TBR1: variants seen among roughly 807,000 people sequenced by gnomAD.
TBR1 encodes T-box brain protein 1.
A neutral mutation model predicts 60.3 loss-of-function variants in TBR1; 7 were observed. The observed-to-expected ratio is 0.12, with a 90% CI of 0.07 to 0.22. The LOEUF is 0.22. Ranked by LOEUF, TBR1 falls within the 10% of genes least tolerant of loss-of-function variation. The pLI, the probability that TBR1 is intolerant of heterozygous loss-of-function variation, is 1.00. For missense variants in TBR1, 616 were observed against 936.8 expected (o/e 0.66, Z 4.47); for synonymous variants, 417 against 409.9 (o/e 1.02, Z -0.21).
rs1297126639 is a variant in TBR1, at chr2:161,419,186, AG to A, written c.1128+138del. Reference sequence around the variant, plus strand: ...ACAGCTGGCTCCGCTGTGCGTTTTAAGGCTTAGGGCTCGGGGCCTGCCCACG... The same window carrying A: ...ACAGCTGGCTCCGCTGTGCGTTTTAAGCTTAGGGCTCGGGGCCTGCCCACG... On this transcript the variant is annotated intron_variant, in intron 4 of 5. Transcript: ENST00000389554. 6.7e-6 allele frequency: 9 copies of A among 1,339,378 alleles called. No homozygotes were observed. The African/African-American group carries it at 9.0e-5, about 13-fold the overall frequency. The allele number at this position is 1,339,378 out of a possible 1,614,324, so 83.0% of individuals were successfully genotyped here.
At position 161,423,569 on chromosome 2, in the gene TBR1, C is replaced by A. The variant is rs771828494; in HGVS notation, c.1391C>A (p.Thr464Asn). The A allele has an allele frequency of 1.3e-6, 2 of 1,551,774 alleles. No homozygotes were observed. Among genetic ancestry groups the A allele is most frequent in the East Asian group, 5.1e-5 (2 of 39,354 alleles). ...GPGTDRSVPH[T>N]NGLLSPQQAE... ...GGTACGGACCGCAGCGTGCCGCACA[C>A]CAACGGGCTGCTGTCGCCGCAGCAG... Residue 464 changes from threonine to asparagine, a missense_variant, in exon 6 of 6, where the codon ACC becomes AAC. By Grantham distance (65) the Thr-to-Asn change is moderately conservative (BLOSUM62 0). Transcript: ENST00000389554.
At position 161,424,044 on chromosome 2, in the gene TBR1, G is replaced by A. The variant is rs1017957398; in HGVS notation, c.1866G>A (p.Lys622=). 6.2e-7 allele frequency: 1 copy of A among 1,606,116 alleles called. No individual in the cohort carries two copies. Reference sequence around the variant, plus strand: ...GGATCGAGACGCCCTCCTCGATCAAGTCCATCGACTCCAGCGACTCGGGGA... The same window carrying A: ...GGATCGAGACGCCCTCCTCGATCAAATCCATCGACTCCAGCGACTCGGGGA... ...SSWIETPSSI[K]SIDSSDSGIY... Residue 622 remains lysine, a synonymous_variant, in exon 6 of 6, where the codon AAG becomes AAA. Coordinates refer to ENST00000389554, the MANE Select transcript of TBR1 (RefSeq NM_006593.4). This position sits in a 1 kb window ranked among gnomAD's most constrained non-coding sequence, Gnocchi z 4.4.
In TBR1 at chr2:161,417,024, A is replaced by T; in HGVS notation, c.614A>T (p.Gln205Leu). Reference sequence around the variant, plus strand: ...CCGGGGCTGGTGCCCGGCAAAGCACAGGTGTACCTGTGCAACAGGCCCCTT... The same window carrying T: ...CCGGGGCTGGTGCCCGGCAAAGCACTGGTGTACCTGTGCAACAGGCCCCTT... ...TQPGLVPGKA[Q>L]VYLCNRPLWL... The change falls in exon 1 of 6, where the codon CAG (glutamine) becomes CTG (leucine). Residue 205 changes from glutamine to leucine, a missense_variant. Physicochemically the swap from Gln to Leu is moderately radical, Grantham distance 113. Coordinates refer to ENST00000389554, the MANE Select transcript of TBR1 (RefSeq NM_006593.4). The surrounding 1 kb of genome is among the most constrained non-coding windows in gnomAD (Gnocchi z 5.3). 6.2e-7 allele frequency: 1 copy of T among 1,613,996 alleles called. No homozygotes were observed. Among genetic ancestry groups the T allele is most frequent in the Non-Finnish European group, 8.5e-7 (1 of 1,179,988 alleles).
chr2:161,418,358 T>C, intron 3 of TBR1, 36 bp downstream of exon 3: 3 of 1,599,452 alleles, frequency 1.9e-6, no homozygotes, highest in Non-Finnish European at 2.6e-6. Flanking sequence ...TCTCTCTCTC[T>C]CACCCCTTCC....
At chr2:161,423,231 C>A (rs1213592758) in intron 5 of TBR1, 138 bp from the exon 6 acceptor site, 1 of 575,122 alleles carries the variant, frequency 1.7e-6, no homozygotes, top group African/African-American at 1.9e-5. Flanking sequence ...TCCAGGAAAT[C>A]CTGGACTGCA....
Position 161,417,413 on chromosome 2 carries a change from G to C in TBR1, c.693-263G>C. 1 of 568,074 alleles carries C rather than the reference G, an allele frequency of 1.8e-6. No individual in the cohort carries two copies. Among genetic ancestry groups the C allele is most frequent in the East Asian group, 3.0e-5 (1 of 32,864 alleles). The allele number at this position is 568,074 out of a possible 1,614,324, so 35.2% of individuals were successfully genotyped here. A position where few individuals can be genotyped will look rare whatever the true frequency, so the allele number is the denominator to read the frequency against. The stretch of plus-strand genomic sequence containing the variant: ...CAACACTGGCATGCACGGACAGGTG[G>C]AGACGCAGGTCGCCAACCTCGCTCT... On this transcript the variant is annotated intron_variant, in intron 1 of 5. Coordinates refer to ENST00000389554, the MANE Select transcript of TBR1 (RefSeq NM_006593.4). This position sits in a 1 kb window ranked among gnomAD's most constrained non-coding sequence, Gnocchi z 5.3.
chr2:161,419,275 C>T, intron 4 of TBR1: 3 of 565,212 alleles, frequency 5.3e-6, no homozygotes, highest in Non-Finnish European at 8.9e-6. Context: ...TCGCTGGTCA[C>T]CCGGGCCACC....
rs1167980236 is a variant in TBR1, at chr2:161,424,599, G to A, written c.*372G>A. On this transcript the variant is annotated 3_prime_UTR_variant, in exon 6 of 6. Coordinates refer to ENST00000389554, the MANE Select transcript of TBR1 (RefSeq NM_006593.4). This position sits in a 1 kb window ranked among gnomAD's most constrained non-coding sequence, Gnocchi z 4.4. ...ACCTGGGCAGTCCTGTCAGGCAGCA[G>A]CGATTCCGACCCGCCAAGTCTCGGC... The A allele has an allele frequency of 5.6e-6, 1 of 178,582 alleles. No homozygotes were observed. The highest frequency in any genetic ancestry group is 2.4e-5 in the African/African-American group (1 of 42,390). The allele number at this position is 178,582 out of a possible 1,614,324, so 11.1% of individuals were successfully genotyped here. A position where few individuals can be genotyped will look rare whatever the true frequency, so the allele number is the denominator to read the frequency against.
intron 4 of TBR1, 199 bp downstream of exon 4, chr2:161,419,249 T>C: frequency 1.4e-6 from 1 of 707,626 alleles, no homozygotes; most frequent in South Asian, 2.2e-5. Context: ...GGGAAAAAGC[T>C]TTCTATTTGT....
intron 5 of TBR1, chr2:161,422,601 A>C (rs1485854691): frequency 1.3e-5 from 2 of 152,256 alleles, no homozygotes; most frequent in Non-Finnish European, 2.9e-5. Context: ...TAGGAAAAGA[A>C]GGTCAGAGTA....
chr2:161,423,325 C>T (rs765471694), intron 5 of TBR1, 44 bp from the exon 6 acceptor site: 1 of 1,304,480 alleles, frequency 7.7e-7, no homozygotes, highest in South Asian at 2.3e-5. Flanking sequence ...AAGGGACCTC[C>T]GCGCCACCCC....
At position 161,416,968 on chromosome 2, in the gene TBR1, A is replaced by T. The variant is rs776582053; in HGVS notation, c.558A>T (p.Gly186=). The change falls in exon 1 of 6, where the codon GGA becomes GGT. Residue 186 remains glycine, a synonymous_variant. Coordinates refer to ENST00000389554, the MANE Select transcript of TBR1 (RefSeq NM_006593.4). This position sits in a 1 kb window ranked among gnomAD's most constrained non-coding sequence, Gnocchi z 6.1. ...AGCAGTACGGCCACTCCTACCAAGGAGCTCCGTTCTACCAGTTCTCCTCCA... is the reference window on the plus strand; with the variant it reads ...AGCAGTACGGCCACTCCTACCAAGGTGCTCCGTTCTACCAGTTCTCCTCCA... ...YPQQYGHSYQ[G]APFYQFSSTQ... The T allele has an allele frequency of 3.1e-6, 5 of 1,614,132 alleles. No homozygotes were observed. The South Asian group carries it at 5.5e-5, about 18-fold the overall frequency.
Position 161,417,258 on chromosome 2 carries a change from T to A in TBR1, c.692+156T>A. On this transcript the variant is annotated intron_variant, in intron 1 of 5. Coordinates refer to ENST00000389554, the MANE Select transcript of TBR1 (RefSeq NM_006593.4). The surrounding 1 kb of genome is among the most constrained non-coding windows in gnomAD (Gnocchi z 5.3). ...TTGGAAAGGGGGAAAGTGGAAGGGA[T>A]AACCGCCAGGGTGATGTTGGTGGGG... 1.3e-6 allele frequency: 1 copy of A among 740,816 alleles called. No individual in the cohort carries two copies. The highest frequency in any genetic ancestry group is 2.2e-6 in the Non-Finnish European group (1 of 464,558). 45.9% of individuals were successfully genotyped at this position (740,816 alleles called of 1,614,324 possible). A position where few individuals can be genotyped will look rare whatever the true frequency, so the allele number is the denominator to read the frequency against.
intron 3 of TBR1, 132 bp from the exon 4 acceptor site, chr2:161,418,760 G>T: frequency 3.2e-6 from 4 of 1,252,666 alleles, no homozygotes; most frequent in African/African-American, 1.6e-5. Context: ...CGAGTCCCGC[G>T]GTCAGTTAGC....
chr2:161,423,691 G>A lies in TBR1; in HGVS notation c.1513G>A (p.Asp505Asn). 1 of 1,540,090 alleles carries A rather than the reference G, an allele frequency of 6.5e-7. No homozygotes were observed. The highest frequency in any genetic ancestry group is 8.7e-7 in the Non-Finnish European group (1 of 1,152,840). ...FAASAYDTAT[D>N]FAGNAATLLS... is the part of the protein sequence containing the mutation. ...GGCCTCGGCCTATGACACGGCCACG[G>A]ACTTCGCGGGCAACGCGGCCACGCT... The change falls in exon 6 of 6, where the codon GAC becomes AAC. Residue 505 changes from aspartate (D) to asparagine (N), a missense_variant. By Grantham distance (23) the Asp-to-Asn change is conservative (BLOSUM62 1). Transcript: ENST00000389554.
chr2:161,417,031 C>T lies in TBR1; in HGVS notation c.621C>T (p.Tyr207=), dbSNP rs1574149155. ...TGGTGCCCGGCAAAGCACAGGTGTACCTGTGCAACAGGCCCCTTTGGCTGA... is the reference window on the plus strand; with the variant it reads ...TGGTGCCCGGCAAAGCACAGGTGTATCTGTGCAACAGGCCCCTTTGGCTGA... ...PGLVPGKAQV[Y]LCNRPLWLKF... Residue 207 remains tyrosine, a synonymous_variant, in exon 1 of 6, where the codon TAC becomes TAT. Transcript: ENST00000389554. This position sits in a 1 kb window ranked among gnomAD's most constrained non-coding sequence, Gnocchi z 5.3. 1 of 1,613,850 alleles carries T rather than the reference C, an allele frequency of 6.2e-7. No individual in the cohort carries two copies. Among genetic ancestry groups the T allele is most frequent in the Non-Finnish European group, 8.5e-7 (1 of 1,179,912 alleles).
chr2:161,422,085 G>T (rs368214108), intron 5 of TBR1: 1 of 152,148 alleles, frequency 6.6e-6, no homozygotes, highest in East Asian at 1.9e-4. Flanking sequence ...GAAGTATAAG[G>T]GTTCATGGGG....
At chr2:161,419,236 G>C (rs1684186452) in intron 4 of TBR1, 186 bp downstream of exon 4, 1 of 805,652 alleles carries the variant, frequency 1.2e-6, no homozygotes, top group South Asian at 2.0e-5. Flanking sequence ...ATACCAAGCC[G>C]GTGGGAAAAA....
chr2:161,424,256 G>C lies in TBR1; in HGVS notation c.*29G>C, dbSNP rs1400795180. ...GCCCCTGCCCGCCCGGCCCCGCCGC[G>C]GCCCGGACCCCCAGCCAGCCCCTCA... On this transcript the variant is annotated 3_prime_UTR_variant, in exon 6 of 6. Transcript: ENST00000389554. This position sits in a 1 kb window ranked among gnomAD's most constrained non-coding sequence, Gnocchi z 4.4. 11 of 1,521,816 alleles carry C rather than the reference G, an allele frequency of 7.2e-6. No homozygotes were observed. In the South Asian group the frequency reaches 7.5e-5, roughly 10 times the overall value. The allele number at this position is 1,521,816 out of a possible 1,614,324, so 94.3% of individuals were successfully genotyped here.
Sources: allele counts gnomAD v4.1 joint callset, GRCh38; gene constraint gnomAD v4.1.1; non-coding constraint Gnocchi (gnomAD v3.1); transcripts MANE v1.5; gene names NCBI Gene and HGNC (gene_info 2026-07-23, HGNC 2026-07-21).